The following AXIN1 variants were observed in gnomAD, a reference collection of about 807,000 sequenced individuals.
AXIN1 encodes axin 1, also known as axin-1.
A neutral mutation model predicts 76.4 loss-of-function variants in AXIN1; 30 were observed. The observed-to-expected ratio is 0.39, with a 90% CI of 0.29 to 0.53. The LOEUF is 0.53. Ranked by LOEUF, AXIN1 falls within the 20% of genes least tolerant of loss-of-function variation. AXIN1 has a pLI of 0.66. For missense variants in AXIN1, 1,140 were observed against 1,198.8 expected (o/e 0.95, Z 0.72); for synonymous variants, 545 against 501.4 (o/e 1.09, Z -1.16).
chr16:341,456 C>T (rs1234163661), intron 2 of AXIN1, among the ~76,000 whole-genome samples: 3 of 152,258 alleles, frequency 2.0e-5, no homozygotes, highest in Non-Finnish European at 1.5e-5. Flanking sequence ...GCCGGCCCAC[C>T]GGAGCTGCGC....
intron 8 of AXIN1, chr16:291,957 G>A (rs1158431129): frequency 6.4e-6 from 1 of 156,016 alleles, no homozygotes; most frequent in Non-Finnish European, 1.4e-5. Flanking sequence ...TTTCCCCATG[G>A]GGGGATGCTG....
chr16:298,233 C>A lies in AXIN1; in HGVS notation c.1273G>T (p.Gly425Cys), dbSNP rs116350678. ...CCTGGGGGCCCTGACGATGGATCGC[C>A]GTCCTCACCTTCCTCCTCCTGTGTG... ...RVRMEEEGED[G>C]DPSSGPPGPC... The change falls in exon 6 of 11, where the codon GGC (glycine) becomes TGC (cysteine). Residue 425 changes from glycine (G) to cysteine (C), a missense_variant. Around this residue, in one of 3 missense-constraint regions of AXIN1, gnomAD observed 708 missense variants for 776.9 expected, o/e 0.91. Transcript: ENST00000262320. 6.5e-7 allele frequency: 1 copy of A among 1,539,674 alleles called. No individual in the cohort carries two copies. The highest frequency in any genetic ancestry group is 8.7e-7 in the Non-Finnish European group (1 of 1,147,096).
chr16:304,230 A>G lies in AXIN1; in HGVS notation c.1254+74T>C, dbSNP rs376056530. On this transcript the variant is annotated intron_variant, in intron 5 of 10. Transcript: ENST00000262320. ...CCAGCCCCGGGCATCCCCATGAAGA[A>G]CATCAGGACATCCCGGCGGCAAGAA... is the stretch of plus-strand genomic sequence containing the variant. The G allele has an allele frequency of 1.9e-6, 3 of 1,597,234 alleles. No individual in the cohort carries two copies. The Admixed American group carries it at 5.0e-5, about 27-fold the overall frequency.
Position 289,520 on chromosome 16 carries a change from G to A in AXIN1, c.2382C>T (p.Ile794=), listed in dbSNP as rs145726235. The A allele has an allele frequency of 1.9e-6, 3 of 1,613,004 alleles. No homozygotes were observed. The highest frequency in any genetic ancestry group is 2.5e-6 in the Non-Finnish European group (3 of 1,180,030). Residue 794 remains isoleucine (I), a synonymous_variant, in exon 10 of 11, where the codon ATC becomes ATT. Coordinates refer to ENST00000262320, the MANE Select transcript of AXIN1 (RefSeq NM_003502.4). ...VVAYYFCGEP[I]PYRTLVRGRA... ...GGCCCCTCACCAGGGTGCGGTAGGG[G>A]ATGGGTTCCCCGCAGAAGTAGTACG...
Position 299,950 on chromosome 16 carries a change from C to A in AXIN1, c.1255-1699G>T, listed in dbSNP as rs111314581. On this transcript the variant is annotated intron_variant, in intron 5 of 10. Coordinates refer to ENST00000262320, the MANE Select transcript of AXIN1 (RefSeq NM_003502.4). ...GATTACAAGTGTGAGCCACCGTGCC[C>A]GGCCTATTTTTATTTATTTAATTTT... is the stretch of plus-strand genomic sequence containing the variant. Among the ~76,000 whole-genome samples the A allele has an allele frequency of 5.5e-3, 821 of 150,542 alleles. 9 individuals carry two copies. Among genetic ancestry groups the A allele is most frequent in the African/African-American group, 0.018 (752 of 40,888 alleles).
chr16:347,944 T>A (rs1403314657), intron 1 of AXIN1, among the ~76,000 whole-genome samples: 1 of 152,160 alleles, frequency 6.6e-6, no homozygotes, highest in African/African-American at 2.4e-5. Flanking sequence ...ACAGAGAAGG[T>A]ACAGAATAAA....
chr16:316,596 C>T (rs1172562552), intron 2 of AXIN1, among the ~76,000 whole-genome samples: 2 of 152,214 alleles, frequency 1.3e-5, no homozygotes, highest in Non-Finnish European at 2.9e-5. Context: ...TAGGTGCGCA[C>T]AGAGCGGTAA....
Position 296,972 on chromosome 16 carries a change from C to A in AXIN1, c.1955+84G>T, listed in dbSNP as rs114340702. 1.6e-4 allele frequency: 234 copies of A among 1,505,546 alleles called. No individual in the cohort carries two copies. In the African/African-American group the frequency reaches 2.6e-3, roughly 16 times the overall value. The allele number at this position is 1,505,546 out of a possible 1,614,324, so 93.3% of individuals were successfully genotyped here. Reference sequence around the variant, plus strand: ...TCACAGGCGACACTCGCCACACACACTGAAGCTGCACACACTGAGACTGTG... The same window carrying A: ...TCACAGGCGACACTCGCCACACACAATGAAGCTGCACACACTGAGACTGTG... On this transcript the variant is annotated intron_variant, in intron 7 of 10. Transcript: ENST00000262320.
At position 287,970 on chromosome 16, in the gene AXIN1, T is replaced by A. The variant is rs2052431035; in HGVS notation, c.*152A>T. ...TTGTGGACCACTTGGAGGGACCCCC[T>A]ACCTGCCTCTAGACACGGGTAGACC... On this transcript the variant is annotated 3_prime_UTR_variant, in exon 11 of 11. Transcript: ENST00000262320. The A allele has an allele frequency of 7.5e-7, 1 of 1,335,764 alleles. No individual in the cohort carries two copies. Among genetic ancestry groups the A allele is most frequent in the African/African-American group, 1.4e-5 (1 of 69,580 alleles). The allele number at this position is 1,335,764 out of a possible 1,614,324, so 82.7% of individuals were successfully genotyped here.
intron 2 of AXIN1, among the ~76,000 whole-genome samples, chr16:320,641 T>C (rs2053418993): frequency 6.7e-6 from 1 of 150,352 alleles, no homozygotes; most frequent in South Asian, 2.1e-4. Flanking sequence ...AATATAAAAA[T>C]TAAAAACAAA....
intron 7 of AXIN1, among the ~76,000 whole-genome samples, chr16:295,161 C>T (rs1320432346): frequency 6.7e-6 from 1 of 150,232 alleles, no homozygotes; most frequent in Non-Finnish European, 1.5e-5. Context: ...TGCAATGGCT[C>T]GACCTCGGAT....
At chr16:326,906 C>T (rs893688344) in intron 2 of AXIN1, among the ~76,000 whole-genome samples, 8 of 151,768 alleles carry the variant, frequency 5.3e-5, no homozygotes, top group African/African-American at 1.2e-4. Context: ...TTTGGGAGGC[C>T]GAGGCGGGGG....
At chr16:307,234 G>C (rs1426052677) in intron 4 of AXIN1, among the ~76,000 whole-genome samples, 2 of 152,170 alleles carry the variant, frequency 1.3e-5, no homozygotes, top group Admixed American at 1.3e-4. Context: ...GCCAACAGGA[G>C]CACTCATGCC....
At chr16:322,388 T>C (rs1373622134) in intron 2 of AXIN1, among the ~76,000 whole-genome samples, 1 of 152,220 alleles carries the variant, frequency 6.6e-6, no homozygotes, top group Non-Finnish European at 1.5e-5. Context: ...CTGCCCGCAG[T>C]GGAGTGTGCA....
intron 2 of AXIN1, among the ~76,000 whole-genome samples, chr16:344,725 G>A (rs1176117455): frequency 6.6e-6 from 1 of 152,118 alleles, no homozygotes; most frequent in Non-Finnish European, 1.5e-5. Context: ...CCGACCTCAG[G>A]TGATTCGCCC....
At position 304,300 on chromosome 16, in the gene AXIN1, T is replaced by C. The variant is rs1484222720; in HGVS notation, c.1254+4A>G. The C allele has an allele frequency of 6.2e-7, 1 of 1,610,524 alleles. No individual in the cohort carries two copies. The highest frequency in any genetic ancestry group is 8.5e-7 in the Non-Finnish European group (1 of 1,179,252). On this transcript the variant is annotated splice_donor_region_variant and intron_variant, in intron 5 of 10. Transcript: ENST00000262320. Reference sequence around the variant, plus strand: ...GGAGCGCGACACCGACGCGGCCCACTCACCATGCGCACGCGCTTCAGCCGC... The same window carrying C: ...GGAGCGCGACACCGACGCGGCCCACCCACCATGCGCACGCGCTTCAGCCGC...
chr16:328,702 AAAT>A (rs2053630340), intron 2 of AXIN1, among the ~76,000 whole-genome samples: 1 of 152,144 alleles, frequency 6.6e-6, no homozygotes, highest in Admixed American at 6.5e-5. Flanking sequence ...ATGTCAAAAA[AAAT>A]AATAATAAAT....
intron 2 of AXIN1, among the ~76,000 whole-genome samples, chr16:328,499 C>T (rs1002771388): frequency 2.7e-5 from 4 of 150,732 alleles, no homozygotes; most frequent in Non-Finnish European, 5.9e-5. Context: ...AGTTCGCAAC[C>T]AGCCTGACCA....
intron 1 of AXIN1, among the ~76,000 whole-genome samples, chr16:348,857 G>A (rs994424603): frequency 6.6e-6 from 1 of 151,772 alleles, no homozygotes; most frequent in African/African-American, 2.4e-5. Context: ...CCAGCACTTT[G>A]GGAAGCCAAG....
Sources: allele counts gnomAD v4.1 joint callset (sites outside exome capture counted in the v4.1 genomes callset), GRCh38; gene constraint gnomAD v4.1.1; regional missense constraint gnomAD v4.1.1; transcripts MANE v1.5; gene names NCBI Gene and HGNC (gene_info 2026-07-23, HGNC 2026-07-21).